The following MGRN1 variants were observed in gnomAD, a reference collection of about 807,000 sequenced individuals.
MGRN1 encodes mahogunin ring finger 1, also known as E3 ubiquitin-protein ligase MGRN1.
In MGRN1, 29 loss-of-function variants were observed where a neutral mutation model predicts 69.2. The ratio of observed to expected loss-of-function variants is 0.42; its 90% CI spans 0.31 to 0.57. The LOEUF is 0.57. MGRN1 is among the 20% of genes least tolerant of loss of function. The probability of loss-of-function intolerance (pLI) is 0.15; values close to 1 mark genes in which losing one functional copy is unlikely to be tolerated. For synonymous variants in MGRN1, 470 were observed against 344.2 expected (o/e 1.37, Z -4.04); for missense variants, 998 against 796.2 (o/e 1.25, Z -3.05).
At chr16:4,636,765 G>A (rs1029662872) in intron 1 of MGRN1, among the ~76,000 whole-genome samples, 5 of 151,908 alleles carry the variant, frequency 3.3e-5, no homozygotes, top group Non-Finnish European at 7.4e-5. Flanking sequence ...TTCTCTATGC[G>A]AATTGGCCAT....
At chr16:4,659,870 T>C (rs942538639) in intron 5 of MGRN1, among the ~76,000 whole-genome samples, 6 of 152,190 alleles carry the variant, frequency 3.9e-5, no homozygotes, top group African/African-American at 1.4e-4. Flanking sequence ...GGGATCTCTG[T>C]GGCTTAGCCT....
intron 11 of MGRN1, 151 bp from the exon 12 acceptor site, chr16:4,679,881 A>G (rs2079139232): frequency 1.4e-6 from 1 of 731,606 alleles, no homozygotes; most frequent in South Asian, 1.7e-5. Context: ...GTCAACCCTC[A>G]CTTAGGACAG....
At chr16:4,626,491 G>A (rs1447932544) in intron 1 of MGRN1, among the ~76,000 whole-genome samples, 1 of 152,194 alleles carries the variant, frequency 6.6e-6, no homozygotes, top group Admixed American at 6.5e-5. Flanking sequence ...TGTAAAACGG[G>A]CTGATGCTTA....
intron 16 of MGRN1, among the ~76,000 whole-genome samples, chr16:4,684,873 C>G (rs1270111561): frequency 6.6e-6 from 1 of 152,248 alleles, no homozygotes; most frequent in East Asian, 1.9e-4. Flanking sequence ...CAGGCTTCAC[C>G]CGCTTCCTGG....
At chr16:4,683,109 A>T in intron 14 of MGRN1, 115 bp from the exon 15 acceptor site, 1 of 1,518,928 alleles carries the variant, frequency 6.6e-7, no homozygotes, top group East Asian at 2.3e-5. Context: ...TGGAGGCAGC[A>T]CCCCCTGGTG....
chr16:4,668,401 T>G, intron 8 of MGRN1, 89 bp downstream of exon 8: 1 of 1,366,238 alleles, frequency 7.3e-7, no homozygotes, highest in South Asian at 1.2e-5. Flanking sequence ...AGACACACAC[T>G]CATACACACG....
chr16:4,647,144 G>GT (rs970393877), intron 1 of MGRN1, among the ~76,000 whole-genome samples: 37 of 152,250 alleles, frequency 2.4e-4, no homozygotes, highest in African/African-American at 8.4e-4. Flanking sequence ...CCAGCAGCTA[G>GT]TGCGGGGGTT....
chr16:4,663,366 T>TTTTG (rs142117374), intron 5 of MGRN1, among the ~76,000 whole-genome samples: 209 of 18,300 alleles, frequency 0.011, 1 homozygote, highest in Non-Finnish European at 0.022. Flanking sequence ...CCTGGCCTTG[T>TTTTG]TTTTTTTTTT....
intron 16 of MGRN1, 152 bp downstream of exon 16, chr16:4,684,084 C>A: frequency 1.3e-6 from 1 of 749,296 alleles, no homozygotes; most frequent in Non-Finnish European, 2.1e-6. Context: ...CTGCTATTGA[C>A]CGTGAAGCAG....
At chr16:4,686,819 C>G in intron 16 of MGRN1, 1 of 987,346 alleles carries the variant, frequency 1.0e-6, no homozygotes, top group Non-Finnish European at 1.2e-6. Context: ...CAGGTCCACT[C>G]CCGTGTTCCG....
Position 4,681,635 on chromosome 16 carries a change from C to A in MGRN1, c.1217C>A (p.Pro406His). 6.2e-7 allele frequency: 1 copy of A among 1,613,522 alleles called. No individual in the cohort carries two copies. The highest frequency in any genetic ancestry group is 8.5e-7 in the Non-Finnish European group (1 of 1,180,024). Residue 406 changes from proline to histidine, a missense_variant, in exon 13 of 17, where the codon CCC becomes CAC. By Grantham distance (77) the Pro-to-His change is moderately conservative. Transcript: ENST00000262370. Reference protein sequence around the residue: ...NGLRAVSPAIPSAPLYEEITY... With the variant: ...NGLRAVSPAIHSAPLYEEITY... ...CTCCGGGCTGTCTCCCCGGCCATCC[C>A]CTCGGCCCCTCTTTATGAAGAAATC...
chr16:4,665,274 G>A lies in MGRN1; in HGVS notation c.678+123G>A, dbSNP rs1018546015. 3.2e-5 allele frequency: 30 copies of A among 948,674 alleles called. 1 individual carries two copies. The highest frequency in any genetic ancestry group is 2.6e-4 in the South Asian group (17 of 65,674). The allele number at this position is 948,674 out of a possible 1,614,324, so 58.8% of individuals were successfully genotyped here. A position where few individuals can be genotyped will look rare whatever the true frequency, so the allele number is the denominator to read the frequency against. On this transcript the variant is annotated intron_variant, in intron 7 of 16. Coordinates refer to ENST00000262370, the MANE Select transcript of MGRN1 (RefSeq NM_015246.4). ...GGGGTGGCTGAGTGTCAAGGGCCCC[G>A]GGGCAGGTTGGGGCGTGTCTGTGGC...
intron 2 of MGRN1, among the ~76,000 whole-genome samples, chr16:4,651,598 G>C (rs992527904): frequency 7.2e-5 from 11 of 152,066 alleles, no homozygotes; most frequent in Non-Finnish European, 1.0e-4. Flanking sequence ...AGCTGTGCTC[G>C]TAGGAAGCTT....
chr16:4,626,893 C>T (rs1321369377), intron 1 of MGRN1, among the ~76,000 whole-genome samples: 1 of 152,236 alleles, frequency 6.6e-6, no homozygotes, highest in Admixed American at 6.5e-5. Context: ...CCAGTGCCAG[C>T]AGTGTTCTGC....
chr16:4,679,459 C>T (rs564741910), intron 11 of MGRN1, among the ~76,000 whole-genome samples: 64 of 152,146 alleles, frequency 4.2e-4, no homozygotes, highest in African/African-American at 1.5e-3. Context: ...TCCTCCTCAC[C>T]TGCCAGGTTC....
At chr16:4,687,809 G>T in intron 16 of MGRN1, 1 of 985,476 alleles carries the variant, frequency 1.0e-6, no homozygotes. Flanking sequence ...ACTTGAGCCG[G>T]GTCAGGGAGA....
intron 6 of MGRN1, 63 bp downstream of exon 6, chr16:4,664,838 A>AG (rs759824502): frequency 1.8e-4 from 286 of 1,583,332 alleles, no homozygotes; most frequent in Non-Finnish European, 2.3e-4. Flanking sequence ...GCACGTCTTG[A>AG]GGGAGGAGTG....
chr16:4,680,137 C>T, intron 12 of MGRN1, 40 bp downstream of exon 12: 3 of 1,597,868 alleles, frequency 1.9e-6, no homozygotes, highest in South Asian at 1.1e-5. Flanking sequence ...TTTGCCCCCG[C>T]CCTCATTTTT....
intron 1 of MGRN1, among the ~76,000 whole-genome samples, chr16:4,648,927 G>A (rs955283771): frequency 1.3e-5 from 2 of 152,126 alleles, no homozygotes; most frequent in African/African-American, 4.8e-5. Flanking sequence ...TCTTCCCGTG[G>A]TCACCCGGGT....
Sources: gnomAD v4.1 joint callset for allele counts (sites outside exome capture counted in the v4.1 genomes callset) on GRCh38, gnomAD v4.1.1 for gene constraint, MANE v1.5 for transcripts, NCBI Gene and HGNC (gene_info 2026-07-23, HGNC 2026-07-21) for gene names.